MYBPC1: variants seen among roughly 807,000 people sequenced by gnomAD.
The protein encoded by MYBPC1 is myosin binding protein C1, also known as myosin-binding protein C, slow-type.
MYBPC1 carries 52 observed loss-of-function variants against 147.1 expected under a neutral mutation model. The observed-to-expected ratio is 0.35, with a 90% confidence interval of 0.28 to 0.45. The LOEUF (loss-of-function observed/expected upper bound fraction) is 0.45. Among genes scored for constraint, MYBPC1 ranks in the 20% least tolerant of loss-of-function variants. MYBPC1 has a pLI of 1.00. For synonymous variants in MYBPC1, 477 were observed against 475.9 expected (o/e 1.00, Z -0.03); for missense variants, 1,228 against 1,440.3 (o/e 0.85, Z 2.39).
chr12:101,598,372 A>G (rs1327365533), intron 1 of MYBPC1, among the ~76,000 whole-genome samples: 2 of 152,108 alleles, frequency 1.3e-5, no homozygotes, highest in Non-Finnish European at 2.9e-5. Flanking sequence ...AAGAAATTTT[A>G]TCAACCTCAA....
chr12:101,664,816 G>T (rs1014235967), intron 22 of MYBPC1, among the ~76,000 whole-genome samples: 1 of 152,288 alleles, frequency 6.6e-6, no homozygotes, highest in Middle Eastern at 3.4e-3. Flanking sequence ...ATTTCCCAGG[G>T]TTAACCCAGT....
At chr12:101,675,834 A>C (rs889902865) in intron 26 of MYBPC1, among the ~76,000 whole-genome samples, 1 of 152,162 alleles carries the variant, frequency 6.6e-6, no homozygotes, top group Non-Finnish European at 1.5e-5. Flanking sequence ...CACCCATGCA[A>C]CTCTTTCTCC....
At position 101,653,139 on chromosome 12, in the gene MYBPC1, G is replaced by A. The variant is rs1401750276; in HGVS notation, c.1658G>A (p.Gly553Asp). The A allele has an allele frequency of 6.2e-7, 1 of 1,613,892 alleles. No individual in the cohort carries two copies. Among genetic ancestry groups the A allele is most frequent in the Admixed American group, 1.7e-5 (1 of 60,006 alleles). ...VIDPPKIILD[G>D]LDADNTVTVI... Reference sequence around the variant, plus strand: ...GATCCTCCTAAGATCATCCTGGATGGTCTTGATGCTGACAACACAGTGACA... The same window carrying A: ...GATCCTCCTAAGATCATCCTGGATGATCTTGATGCTGACAACACAGTGACA... Residue 553 changes from glycine to aspartate, a missense_variant, in exon 18 of 32, where the codon GGT (glycine) becomes GAT (aspartate). Coordinates refer to ENST00000361466, the MANE Select transcript of MYBPC1 (RefSeq NM_002465.4).
intron 4 of MYBPC1, 52 bp from the exon 5 acceptor site, chr12:101,627,717 T>C (rs1888939563): frequency 1.9e-6 from 3 of 1,598,352 alleles, no homozygotes; most frequent in Non-Finnish European, 2.6e-6. Flanking sequence ...AGCACTCCAT[T>C]TTCATCCCCT....
downstream of MYBPC1, among the ~76,000 whole-genome samples, chr12:101,688,965 A>AG (rs1951384287): frequency 7.8e-6 from 1 of 128,528 alleles, no homozygotes; most frequent in Non-Finnish European, 1.7e-5. Flanking sequence ...AAAAAAAAAA[A>AG]AAAGAAAAAG....
At chr12:101,614,396 T>C (rs1593677714) in intron 1 of MYBPC1, 100 bp from the exon 2 acceptor site, 1 of 1,299,170 alleles carries the variant, frequency 7.7e-7, no homozygotes, top group East Asian at 2.4e-5. Context: ...TACACACAGG[T>C]GAGATGGCTG....
Position 101,631,610 on chromosome 12 carries a change from A to T in MYBPC1, c.329A>T (p.Asp110Val), listed in dbSNP as rs745454784. 6.2e-7 allele frequency: 1 copy of T among 1,614,108 alleles called. No individual in the cohort carries two copies. Among genetic ancestry groups the T allele is most frequent in the Non-Finnish European group, 8.5e-7 (1 of 1,180,038 alleles). Residue 110 changes from aspartate to valine, a missense_variant, in exon 7 of 32, where the codon GAT (aspartate) becomes GTT (valine). Around this residue, in one of 2 missense-constraint regions of MYBPC1, gnomAD observed 1,077 missense variants for 1,314.2 expected, o/e 0.82. Coordinates refer to ENST00000361466, the MANE Select transcript of MYBPC1 (RefSeq NM_002465.4). ...ITFIAKVKAE[D>V]LLRKPTIKWF... ...TTCATAGCCAAAGTCAAGGCTGAAG[A>T]TCTTCTGAGAAAACCCACTATCAAA...
At chr12:101,635,793 C>T (rs1487433867) in intron 9 of MYBPC1, among the ~76,000 whole-genome samples, 1 of 152,178 alleles carries the variant, frequency 6.6e-6, no homozygotes, top group Non-Finnish European at 1.5e-5. Context: ...CCCACAGACT[C>T]TTTTCTTAGA....
chr12:101,599,931 C>A (rs1326988035), intron 1 of MYBPC1, among the ~76,000 whole-genome samples: 1 of 152,192 alleles, frequency 6.6e-6, no homozygotes, highest in Non-Finnish European at 1.5e-5. Context: ...GGGCTTAATA[C>A]TTGGCAGAAT....
At chr12:101,603,038 G>T (rs953533953) in intron 1 of MYBPC1, among the ~76,000 whole-genome samples, 3 of 152,024 alleles carry the variant, frequency 2.0e-5, no homozygotes, top group Non-Finnish European at 4.4e-5. Context: ...TCTTGGGTTT[G>T]TGGGACTTTA....
Position 101,680,465 on chromosome 12 carries a change from T to C in MYBPC1, c.3369T>C (p.Thr1123=). 1 of 1,614,174 alleles carries C rather than the reference T, an allele frequency of 6.2e-7. No homozygotes were observed. ...AGCCCAGCCCCTATGATGGAGGCAC[T>C]TACTGCTGCAAAGCAGTCAATGACC... The part of the protein sequence containing the change: ...IRKPSPYDGG[T]YCCKAVNDLG... The change falls in exon 29 of 32, where the codon ACT becomes ACC. Residue 1123 remains threonine, a synonymous_variant. Transcript: ENST00000361466.
intron 3 of MYBPC1, among the ~76,000 whole-genome samples, chr12:101,624,521 T>C (rs1888106943): frequency 6.6e-6 from 1 of 152,074 alleles, no homozygotes; most frequent in Non-Finnish European, 1.5e-5. Flanking sequence ...AGGGTCTTGC[T>C]GTGTCATCCA....
rs541908766 is a variant in MYBPC1 at position 101,648,252 on chromosome 12, A to G, written c.1196+102A>G. The G allele has an allele frequency of 2.9e-4, 228 of 785,490 alleles. 1 individual carries two copies. The highest frequency in any genetic ancestry group is 1.7e-4 in the Non-Finnish European group (80 of 461,020). The allele number at this position is 785,490 out of a possible 1,614,324, so 48.7% of individuals were successfully genotyped here. A position where few individuals can be genotyped will look rare whatever the true frequency, so the allele number is the denominator to read the frequency against. On this transcript the variant is annotated intron_variant, in intron 14 of 31. Coordinates refer to ENST00000361466, the MANE Select transcript of MYBPC1 (RefSeq NM_002465.4). ...TACAAATAGCTTTTAAACCTTTGAA[A>G]ACAATCTCCACCTCATTTGTGTTAG...
At chr12:101,633,159 T>C (rs192558522) in intron 8 of MYBPC1, among the ~76,000 whole-genome samples, 1 of 152,292 alleles carries the variant, frequency 6.6e-6, no homozygotes, top group East Asian at 1.9e-4. Flanking sequence ...GTGGTCACTA[T>C]ACCTCTGCCT....
At chr12:101,648,323 C>G (rs1450495156) in intron 14 of MYBPC1, among the ~76,000 whole-genome samples, 173 bp downstream of exon 14, 1 of 152,168 alleles carries the variant, frequency 6.6e-6, no homozygotes, top group Non-Finnish European at 1.5e-5. Context: ...GGTTTTTCCA[C>G]TCATGAGACT....
intron 10 of MYBPC1, among the ~76,000 whole-genome samples, chr12:101,641,495 T>C (rs1011343408): frequency 1.3e-5 from 2 of 152,232 alleles, no homozygotes; most frequent in Non-Finnish European, 2.9e-5. Context: ...ACTTAAATCT[T>C]AAATCTTATT....
intron 30 of MYBPC1, 68 bp downstream of exon 30, chr12:101,682,730 C>A (rs1951096626): frequency 2.2e-6 from 3 of 1,386,538 alleles, no homozygotes; most frequent in Admixed American, 1.7e-5. Flanking sequence ...GAAAATGCAC[C>A]TTGCATGTAA....
chr12:101,646,773 G>A lies in MYBPC1; in HGVS notation c.976G>A (p.Glu326Lys). The change falls in exon 13 of 32, where the codon GAA (glutamate) becomes AAA (lysine). Residue 326 changes from glutamate to lysine, a missense_variant. Coordinates refer to ENST00000361466, the MANE Select transcript of MYBPC1 (RefSeq NM_002465.4). ...TCCTATTCAAAACAGATACATCTTTGAACACAAAGGATGCCAGAGAATCCT... is the reference window on the plus strand; with the variant it reads ...TCCTATTCAAAACAGATACATCTTTAAACACAAAGGATGCCAGAGAATCCT... ...EIRPSTKYIF[E>K]HKGCQRILFI... The A allele has an allele frequency of 6.2e-7, 1 of 1,612,878 alleles. No homozygotes were observed. Among genetic ancestry groups the A allele is most frequent in the Non-Finnish European group, 8.5e-7 (1 of 1,178,866 alleles).
At position 101,653,136 on chromosome 12, in the gene MYBPC1, A is replaced by G. The variant is rs747645847; in HGVS notation, c.1655A>G (p.Asp552Gly). 9 of 1,614,058 alleles carry G rather than the reference A, an allele frequency of 5.6e-6. No individual in the cohort carries two copies. The highest frequency in any genetic ancestry group is 7.6e-6 in the Non-Finnish European group (9 of 1,179,964). The change falls in exon 18 of 32, where the codon GAT (aspartate) becomes GGT (glycine). Residue 552 changes from aspartate (D) to glycine (G), a missense_variant. Transcript: ENST00000361466. ...HVIDPPKIIL[D>G]GLDADNTVTV... is the part of the protein sequence containing the mutation. ...CTAGATCCTCCTAAGATCATCCTGG[A>G]TGGTCTTGATGCTGACAACACAGTG...
Sources: allele counts gnomAD v4.1 joint callset (sites outside exome capture counted in the v4.1 genomes callset), GRCh38; gene constraint gnomAD v4.1.1; regional missense constraint gnomAD v4.1.1; transcripts MANE v1.5; gene names NCBI Gene and HGNC (gene_info 2026-07-23, HGNC 2026-07-21).